Variants in IARS1 observed in about 807,000 individuals in gnomAD.
IARS1 encodes the protein isoleucyl-tRNA synthetase 1, also known as isoleucine--tRNA ligase, cytoplasmic.
A neutral mutation model predicts 168.2 loss-of-function variants in IARS1; 124 were observed. The ratio of observed to expected loss-of-function variants is 0.74; its 90% CI spans 0.64 to 0.86. The LOEUF is 0.86. IARS1 is among the 40% of genes least tolerant of loss of function. IARS1 has a pLI of 0.00. For synonymous variants in IARS1, 532 were observed against 529.4 expected, an observed-to-expected ratio of 1.00 and a Z score of -0.07; for missense variants, 1,452 against 1,515.8, an observed-to-expected ratio of 0.96 and a Z score of 0.70.
At chr9:92,222,060 G>C (rs1839738225) in intron 33 of IARS1, among the ~76,000 whole-genome samples, 1 of 152,140 alleles carries the variant, frequency 6.6e-6, no homozygotes, top group South Asian at 2.1e-4. Context: ...GCTCACGCCT[G>C]TAATCCCAGC....
intron 30 of IARS1, among the ~76,000 whole-genome samples, chr9:92,239,838 G>A (rs1286918678): frequency 6.6e-6 from 1 of 152,174 alleles, no homozygotes; most frequent in African/African-American, 2.4e-5. Context: ...CTTTGCTAAT[G>A]TGGGTGGTGG....
chr9:92,211,959 T>C (rs1436284791), intron 33 of IARS1, among the ~76,000 whole-genome samples: 1 of 152,156 alleles, frequency 6.6e-6, no homozygotes, highest in Non-Finnish European at 1.5e-5. Context: ...TGAAATATAC[T>C]GAATATACAA....
chr9:92,211,608 G>A (rs1837778843), intron 33 of IARS1, among the ~76,000 whole-genome samples: 1 of 152,108 alleles, frequency 6.6e-6, no homozygotes, highest in South Asian at 2.1e-4. Context: ...GCCTTCTGGA[G>A]GACTATGCCA....
At chr9:92,214,887 C>T (rs7045451) in intron 33 of IARS1, among the ~76,000 whole-genome samples, 75,327 of 151,886 alleles carry the variant, frequency 0.5, 22,021 homozygotes, top group African/African-American at 0.82. Context: ...GTAAACAAAG[C>T]AGCCGGGAAG....
At chr9:92,219,517 C>T (rs1159231916) in intron 33 of IARS1, among the ~76,000 whole-genome samples, 2 of 150,346 alleles carry the variant, frequency 1.3e-5, no homozygotes, top group Non-Finnish European at 3.0e-5. Flanking sequence ...GCAACCTACT[C>T]ATCTGACAAA....
chr9:92,269,922 C>T lies in IARS1; in HGVS notation c.1267G>A (p.Val423Met), dbSNP rs372449758. ...PSWFVRVENM[V>M]DQLLRNNDLC... ...TCATTGTTCCTTAGGAGCTGGTCCA[C>T]CATGTTCTCCACTCGCACAAACCAG... Residue 423 changes from valine to methionine, a missense_variant, in exon 13 of 34, where the codon GTG (valine) becomes ATG (methionine). Val to Met is a conservative substitution (Grantham distance 21). Transcript: ENST00000443024. The T allele has an allele frequency of 5.6e-6, 9 of 1,613,598 alleles. No homozygotes were observed. Among genetic ancestry groups the T allele is most frequent in the Non-Finnish European group, 6.8e-6 (8 of 1,179,674 alleles).
At chr9:92,271,469 A>T (rs1833015937) in intron 11 of IARS1, 64 bp downstream of exon 11, 2 of 1,578,856 alleles carry the variant, frequency 1.3e-6, no homozygotes, top group Non-Finnish European at 8.7e-7. Context: ...CAATACAATT[A>T]TAAATGATGG....
rs746731101 is a variant in IARS1, at chr9:92,250,722, G to A, written c.2420C>T (p.Pro807Leu). 6.2e-7 allele frequency: 1 copy of A among 1,608,882 alleles called. No homozygotes were observed. The highest frequency in any genetic ancestry group is 1.7e-5 in the Admixed American group (1 of 59,034). Residue 807 changes from proline to leucine, a missense_variant, in exon 23 of 34, where the codon CCC becomes CTC. Physicochemically the swap from Pro to Leu is moderately conservative, Grantham distance 98. Coordinates refer to ENST00000443024, the MANE Select transcript of IARS1 (RefSeq NM_002161.6). ...TCTATTTGAGTCCTACCGAACACGG[G>A]GCAGCATGAGGTAGTGAATGCTGAG... ...DTLSIHYLMLPRVREELIDKK... is the reference protein window; with the variant it reads ...DTLSIHYLMLLRVREELIDKK...
intron 25 of IARS1, among the ~76,000 whole-genome samples, chr9:92,248,251 A>C (rs1056770850): frequency 1.3e-5 from 2 of 152,216 alleles, no homozygotes; most frequent in Admixed American, 1.3e-4. Context: ...CTGATGCGGC[A>C]GGGATGGTGA....
At chr9:92,229,415 C>T (rs1170701857) in intron 30 of IARS1, among the ~76,000 whole-genome samples, 1 of 150,160 alleles carries the variant, frequency 6.7e-6, no homozygotes, top group African/African-American at 2.5e-5. Flanking sequence ...TGTGTTTTGG[C>T]AATCCTTGGT....
intron 30 of IARS1, among the ~76,000 whole-genome samples, chr9:92,234,735 T>A (rs1363748691): frequency 6.6e-6 from 1 of 152,158 alleles, no homozygotes; most frequent in Admixed American, 6.5e-5. Context: ...CCATGTACTG[T>A]CTGAGACATC....
chr9:92,240,454 G>A (rs2133593246), intron 30 of IARS1: 2 of 525,100 alleles, frequency 3.8e-6, no homozygotes. Flanking sequence ...AGTAGAGACA[G>A]GGTTTCACCA....
chr9:92,218,059 T>G (rs886812019), intron 33 of IARS1, among the ~76,000 whole-genome samples: 14 of 152,040 alleles, frequency 9.2e-5, no homozygotes, highest in South Asian at 2.1e-4. Flanking sequence ...AGCAGCACAT[T>G]AAAAAGCTTA....
At position 92,243,209 on chromosome 9, in the gene IARS1, A is replaced by G. The variant is rs376991144; in HGVS notation, c.3000+7T>C. 4 of 1,610,166 alleles carry G rather than the reference A, an allele frequency of 2.5e-6. No individual in the cohort carries two copies. The highest frequency in any genetic ancestry group is 1.3e-5 in the African/African-American group (1 of 75,006). ...AACAGTAGCTTATTCTTAACTGACA[A>G]ACTAACCTTTTTGCGAAGTTTCTGT... On this transcript the variant is annotated splice_region_variant and intron_variant, in intron 28 of 33. Coordinates refer to ENST00000443024, the MANE Select transcript of IARS1 (RefSeq NM_002161.6).
In IARS1 at chr9:92,250,219, C is replaced by T. The variant is rs147625263; in HGVS notation, c.2500G>A (p.Val834Met). Reference sequence around the variant, plus strand: ...GGAATAGTTTTTCGGTCTCTGATCACTCTTCCAAGTTCAATCACAGACTGC... The same window carrying T: ...GGAATAGTTTTTCGGTCTCTGATCATTCTTCCAAGTTCAATCACAGACTGC... ...QMQSVIELGR[V>M]IRDRKTIPIK... Residue 834 changes from valine (V) to methionine (M), a missense_variant, in exon 24 of 34, where the codon GTG (valine) becomes ATG (methionine). Physicochemically the swap from Val to Met is conservative, Grantham distance 21. Transcript: ENST00000443024. 8.1e-5 allele frequency: 130 copies of T among 1,612,752 alleles called. No homozygotes were observed. In the African/African-American group the frequency reaches 1.3e-3, roughly 17 times the overall value.
intron 17 of IARS1, among the ~76,000 whole-genome samples, chr9:92,262,492 AATAATGCCC>A (rs1831666918): frequency 6.6e-6 from 1 of 152,202 alleles, no homozygotes; most frequent in Admixed American, 6.5e-5. Flanking sequence ...AAATGTGGGA[AATAATGCCC>A]ATTGGGAGGA....
intron 6 of IARS1, among the ~76,000 whole-genome samples, chr9:92,281,326 G>A (rs1203312928): frequency 1.3e-5 from 2 of 151,944 alleles, no homozygotes; most frequent in African/African-American, 4.8e-5. Flanking sequence ...TAGAGATGGG[G>A]TTATTCCATG....
chr9:92,285,989 A>G (rs1835391550), intron 5 of IARS1, 150 bp from the exon 6 acceptor site: 1 of 579,346 alleles, frequency 1.7e-6, no homozygotes, highest in Non-Finnish European at 3.1e-6. Context: ...AAATTATAAC[A>G]GATCAATATA....
In IARS1 at chr9:92,242,122, T is replaced by A. The variant is rs1307623624; in HGVS notation, c.3177+32A>T. The A allele has an allele frequency of 1.9e-6, 3 of 1,558,636 alleles. No homozygotes were observed. In the African/African-American group the frequency reaches 4.1e-5, roughly 21 times the overall value. ...AAAGTCAAACCTAATCTGAAACCCTTTAGTAGTAGTTCAGTGGAACTCAGG... is the reference window on the plus strand; with the variant it reads ...AAAGTCAAACCTAATCTGAAACCCTATAGTAGTAGTTCAGTGGAACTCAGG... On this transcript the variant is annotated intron_variant, in intron 29 of 33. Coordinates refer to ENST00000443024, the MANE Select transcript of IARS1 (RefSeq NM_002161.6).
Sources: gnomAD v4.1 joint callset for allele counts (sites outside exome capture counted in the v4.1 genomes callset) on GRCh38, gnomAD v4.1.1 for gene constraint, MANE v1.5 for transcripts, NCBI Gene and HGNC (gene_info 2026-07-23, HGNC 2026-07-21) for gene names.